LRRC9: variants seen among roughly 807,000 people sequenced by gnomAD.
LRRC9 encodes leucine-rich repeat-containing protein 9.
Under a neutral mutation model 63.2 loss-of-function variants are expected in LRRC9, and 122 were observed. That is an observed-to-expected ratio of 1.93 (90% confidence interval 1.67 to 2.24). LRRC9 has a LOEUF of 2.24. LRRC9 is among the 30% of genes most tolerant of loss of function. LRRC9 has a pLI of 0.00. For synonymous variants in LRRC9, 366 were observed against 213.1 expected, an observed-to-expected ratio of 1.72 and a Z score of -6.25; for missense variants, 1,071 against 627.7, an observed-to-expected ratio of 1.71 and a Z score of -7.55.
At chr14:60,038,506 G>A (rs1322009193) in intron 29 of LRRC9, among the ~76,000 whole-genome samples, 6 of 151,978 alleles carry the variant, frequency 3.9e-5, no homozygotes, top group Non-Finnish European at 8.8e-5. Flanking sequence ...AGATTCCTAG[G>A]TATTTTATTT....
At position 60,058,526 on chromosome 14, in the gene LRRC9, G is replaced by C. The variant is rs1425442869; in HGVS notation, c.4276+504G>C. ...TACTAGAGAAGGGCTTCAAGAGGTA[G>C]AGTTTTAAAAGAGGGAGTGTATTAA... On this transcript the variant is annotated intron_variant, in intron 31 of 31. Coordinates refer to ENST00000445360, the Ensembl canonical transcript of LRRC9. The surrounding 1 kb of genome is among the most constrained non-coding windows in gnomAD (Gnocchi z 4.4). Among the ~76,000 whole-genome samples, 1 of 152,174 alleles carries C rather than the reference G, an allele frequency of 6.6e-6. No homozygotes were observed. Among genetic ancestry groups the C allele is most frequent in the East Asian group, 1.9e-4 (1 of 5,200 alleles).
At chr14:60,011,867 TA>T in intron 23 of LRRC9, among the ~76,000 whole-genome samples, 1 of 152,342 alleles carries the variant, frequency 6.6e-6, no homozygotes, top group Non-Finnish European at 1.5e-5. Context: ...ACATTAGTTT[TA>T]TATGACAGAA....
At chr14:60,024,651 C>T (rs1476755419) in intron 27 of LRRC9, among the ~76,000 whole-genome samples, 1 of 151,936 alleles carries the variant, frequency 6.6e-6, no homozygotes, top group Non-Finnish European at 1.5e-5. Flanking sequence ...ACAAGAAATT[C>T]AGCACAATGA....
At chr14:60,025,509 C>T (rs1297636400) in intron 27 of LRRC9, among the ~76,000 whole-genome samples, 2 of 151,862 alleles carry the variant, frequency 1.3e-5, no homozygotes, top group Admixed American at 6.6e-5. Flanking sequence ...GATGCCATGG[C>T]GAGCATGGCA....
In LRRC9 at chr14:60,016,762, G is replaced by A. The variant is rs182848765; in HGVS notation, c.3289G>A (p.Glu1097Lys). The A allele has an allele frequency of 1.7e-4, 122 of 697,816 alleles. No homozygotes were observed. In the African/African-American group the frequency reaches 2.0e-3, roughly 11 times the overall value. The allele number at this position is 697,816 out of a possible 1,614,324, so 43.2% of individuals were successfully genotyped here. A position where few individuals can be genotyped will look rare whatever the true frequency, so the allele number is the denominator to read the frequency against. The stretch of plus-strand genomic sequence containing the variant: ...ACATTCCAACTTCAAACAAATGCAA[G>A]AACTAAATTGGACTTCATCATCTAT... Residue 1097 changes from glutamate (E) to lysine (K), a missense_variant, in exon 24 of 32, where the codon GAA becomes AAA. Transcript: ENST00000445360.
At position 59,966,711 on chromosome 14, in the gene LRRC9, A is replaced by G. The variant is rs547564143; in HGVS notation, c.1334A>G (p.Lys445Arg). 1.6e-5 allele frequency: 11 copies of G among 689,080 alleles called. No individual in the cohort carries two copies. The highest frequency in any genetic ancestry group is 2.4e-5 in the Non-Finnish European group (9 of 378,490). 42.7% of individuals were successfully genotyped at this position (689,080 alleles called of 1,614,324 possible). ...GTTAACAACCGTATTCTGAGACTAAAATTCGAAGAGAAATTTCAAAAGTTT... is the reference window on the plus strand; with the variant it reads ...GTTAACAACCGTATTCTGAGACTAAGATTCGAAGAGAAATTTCAAAAGTTT... Residue 445 changes from lysine (K) to arginine (R), a missense_variant, in exon 11 of 32, where the codon AAA becomes AGA. Transcript: ENST00000445360. The surrounding 1 kb of genome is among the most constrained non-coding windows in gnomAD (Gnocchi z 4.0).
intron 29 of LRRC9, among the ~76,000 whole-genome samples, chr14:60,047,331 A>G (rs1893519835): frequency 6.6e-6 from 1 of 152,094 alleles, no homozygotes; most frequent in Admixed American, 6.6e-5. Flanking sequence ...AGGAGGATAG[A>G]GACATGACAA....
intron 8 of LRRC9, among the ~76,000 whole-genome samples, chr14:59,945,372 C>A (rs975724997): frequency 6.6e-6 from 1 of 151,610 alleles, no homozygotes; most frequent in Non-Finnish European, 1.5e-5. Flanking sequence ...ATGGATTATT[C>A]AACAAATGGT....
rs1250895622 is a variant in LRRC9, at chr14:60,027,237, A to G, written c.3704-647A>G. Reference sequence around the variant, plus strand: ...AATATTTCCCCTGTAGTATTTTGAGACTCTAATAGAAAATACTGTACATAT... The same window carrying G: ...AATATTTCCCCTGTAGTATTTTGAGGCTCTAATAGAAAATACTGTACATAT... On this transcript the variant is annotated intron_variant, in intron 27 of 31. Transcript: ENST00000445360. This position sits in a 1 kb window ranked among gnomAD's most constrained non-coding sequence, Gnocchi z 4.0. Among the ~76,000 whole-genome samples, 3 of 151,994 alleles carry G rather than the reference A, an allele frequency of 2.0e-5. No individual in the cohort carries two copies. In the East Asian group the frequency reaches 5.8e-4, roughly 29 times the overall value.
chr14:59,924,397 C>A (rs76253882), intron 1 of LRRC9, among the ~76,000 whole-genome samples: 4 of 152,300 alleles, frequency 2.6e-5, no homozygotes, highest in African/African-American at 7.2e-5. Flanking sequence ...GCTTCTCTTG[C>A]AGCCTATGCT....
Position 60,003,817 on chromosome 14 carries a change from T to C in LRRC9, c.2842+19T>C, listed in dbSNP as rs1046000071. 1.8e-6 allele frequency: 1 copy of C among 552,618 alleles called. No homozygotes were observed. The highest frequency in any genetic ancestry group is 3.2e-6 in the Non-Finnish European group (1 of 313,142). The allele number at this position is 552,618 out of a possible 1,614,324, so 34.2% of individuals were successfully genotyped here. A position where few individuals can be genotyped will look rare whatever the true frequency, so the allele number is the denominator to read the frequency against. On this transcript the variant is annotated intron_variant, in intron 21 of 31. Transcript: ENST00000445360. The surrounding 1 kb of genome is among the most constrained non-coding windows in gnomAD (Gnocchi z 4.2). ...ATAGAAGGTAAGGTACTTAAGAACTTTGAAGTCTCAAAATATGGGATGTCT... is the reference window on the plus strand; with the variant it reads ...ATAGAAGGTAAGGTACTTAAGAACTCTGAAGTCTCAAAATATGGGATGTCT...
At chr14:60,035,103 A>AT (rs57896646) in intron 29 of LRRC9, among the ~76,000 whole-genome samples, 169 of 145,754 alleles carry the variant, frequency 1.2e-3, no homozygotes, top group African/African-American at 3.9e-3. Flanking sequence ...GACTTTGAGC[A>AT]TTTTTTTTTT....
chr14:59,979,336 C>G (rs1040842750), intron 15 of LRRC9, among the ~76,000 whole-genome samples: 6 of 152,154 alleles, frequency 3.9e-5, no homozygotes, highest in African/African-American at 1.4e-4. Context: ...AAGAAAAACT[C>G]GGCCAGGTGC....
intron 29 of LRRC9, among the ~76,000 whole-genome samples, chr14:60,032,372 C>A (rs1246826694): frequency 6.6e-6 from 1 of 152,040 alleles, no homozygotes; most frequent in African/African-American, 2.4e-5. Context: ...AGAATAAGCA[C>A]CTTTAATTCT....
chr14:60,046,709 T>G (rs1007581938), intron 29 of LRRC9, among the ~76,000 whole-genome samples: 5 of 152,250 alleles, frequency 3.3e-5, no homozygotes, highest in Non-Finnish European at 7.3e-5. Flanking sequence ...AGTAGCATGA[T>G]GCCTTCAGCT....
intron 8 of LRRC9, among the ~76,000 whole-genome samples, chr14:59,947,529 A>C (rs1357626881): frequency 1.5e-5 from 2 of 131,434 alleles, no homozygotes; most frequent in Admixed American, 1.6e-4. Flanking sequence ...CCATTTGTCA[A>C]TTTTGGCTTT....
intron 10 of LRRC9, 132 bp downstream of exon 10, chr14:59,961,177 T>C (rs1397108201): frequency 8.2e-6 from 4 of 486,688 alleles, no homozygotes; most frequent in Non-Finnish European, 1.1e-5. Context: ...TATTCATCTA[T>C]TGAAAATTGG....
At chr14:60,056,046 G>A (rs1894260755) in intron 30 of LRRC9, among the ~76,000 whole-genome samples, 2 of 152,084 alleles carry the variant, frequency 1.3e-5, no homozygotes, top group Admixed American at 6.5e-5. Flanking sequence ...CCATCACTTA[G>A]ACCTCTGCTT....
At chr14:60,015,225 G>T (rs940483412) in intron 23 of LRRC9, among the ~76,000 whole-genome samples, 1 of 149,346 alleles carries the variant, frequency 6.7e-6, no homozygotes, top group African/African-American at 2.5e-5. Context: ...ATTGCTTGTT[G>T]AGCATTTTTC....
Sources: allele counts gnomAD v4.1 joint callset (sites outside exome capture counted in the v4.1 genomes callset), GRCh38; gene constraint gnomAD v4.1.1; non-coding constraint Gnocchi (gnomAD v3.1); transcripts MANE v1.5; gene names NCBI Gene and HGNC (gene_info 2026-07-23, HGNC 2026-07-21).